LMAN2: variants seen among roughly 807,000 people sequenced by gnomAD.
LMAN2 encodes lectin, mannose binding 2, also known as vesicular integral-membrane protein VIP36.
A neutral mutation model predicts 39.3 loss-of-function variants in LMAN2; 22 were observed. The ratio of observed to expected loss-of-function variants is 0.56; its 90% CI spans 0.40 to 0.80. LMAN2 has a LOEUF of 0.80. LMAN2 is among the 30% of genes least tolerant of loss of function. The pLI, the probability that LMAN2 is intolerant of heterozygous loss-of-function variation, is 0.00. For missense variants in LMAN2, 494 were observed against 505.4 expected (o/e 0.98, Z 0.22); for synonymous variants, 207 against 207.8 (o/e 1.00, Z 0.03).
At chr5:177,341,766 G>C (rs1048791483) in intron 2 of LMAN2, among the ~76,000 whole-genome samples, 2 of 152,312 alleles carry the variant, frequency 1.3e-5, no homozygotes, top group Admixed American at 6.5e-5. Context: ...AAAACAATGG[G>C]TTGTGTGATT....
rs535795691 is a variant in LMAN2 at position 177,338,576 on chromosome 5, G to A, written c.345C>T (p.His115=). Residue 115 remains histidine (H), a synonymous_variant, in exon 3 of 8, where the codon CAC becomes CAT. Transcript: ENST00000303127. The stretch of plus-strand genomic sequence containing the variant: ...CTGTGCCGTGGACTTTGAAGTGGAC[G>A]TGCATTTCCCAGTCTTTGAGGAAGC... ...QPCFLKDWEM[H]VHFKVHGTGK... 82 of 1,614,208 alleles carry A rather than the reference G, an allele frequency of 5.1e-5. No homozygotes were observed. The highest frequency in any genetic ancestry group is 6.7e-5 in the Admixed American group (4 of 60,030).
chr5:177,342,565 AG>A (rs756727200), intron 2 of LMAN2, among the ~76,000 whole-genome samples: 14 of 152,316 alleles, frequency 9.2e-5, no homozygotes, highest in Admixed American at 2.0e-4. Flanking sequence ...GCATGCCTGT[AG>A]TCCCAGCTAC....
chr5:177,338,495 G>A lies in LMAN2; in HGVS notation c.426C>T (p.Leu142=), dbSNP rs202183074. ...GIALWYTRDR[L]VPGPVFGSKD... ...GAGCGAACACCAGCCCACCTGGCAC[G>A]AGGCGGTCCCGGGTGTACCACAAGG... The change falls in exon 3 of 8, where the codon CTC becomes CTT. Residue 142 remains leucine (L), a synonymous_variant. Transcript: ENST00000303127. 5.0e-5 allele frequency: 80 copies of A among 1,613,724 alleles called. No homozygotes were observed. Among genetic ancestry groups the A allele is most frequent in the East Asian group, 4.7e-4 (21 of 44,888 alleles).
intron 2 of LMAN2, among the ~76,000 whole-genome samples, chr5:177,342,487 C>A (rs1357594387): frequency 6.6e-6 from 1 of 152,152 alleles, no homozygotes; most frequent in Non-Finnish European, 1.5e-5. Flanking sequence ...AAGTTCAAGA[C>A]TAGCCCAGGC....
chr5:177,351,048 CGA>C, intron 2 of LMAN2, 123 bp downstream of exon 2: 1 of 810,984 alleles, frequency 1.2e-6, no homozygotes, highest in Non-Finnish European at 2.2e-6. Flanking sequence ...TGGGTGTGAC[CGA>C]GATGAGGAAA....
chr5:177,343,217 T>A (rs1325907003), intron 2 of LMAN2, among the ~76,000 whole-genome samples: 1 of 152,176 alleles, frequency 6.6e-6, no homozygotes, highest in Non-Finnish European at 1.5e-5. Context: ...ATCGCGCCAC[T>A]GCACTCCAGC....
At chr5:177,348,347 T>C (rs1489378767) in intron 2 of LMAN2, among the ~76,000 whole-genome samples, 6 of 152,116 alleles carry the variant, frequency 3.9e-5, no homozygotes, top group Non-Finnish European at 8.8e-5. Context: ...TATATTGCAT[T>C]AGGATAATAT....
chr5:177,337,529 G>A lies in LMAN2; in HGVS notation c.514-5C>T, dbSNP rs987855920. On this transcript the variant is annotated splice_polypyrimidine_tract_variant and splice_region_variant and intron_variant, in intron 4 of 7. Transcript: ENST00000303127. The surrounding 1 kb of genome is among the most constrained non-coding windows in gnomAD (Gnocchi z 8.2). ...CGAGATGTACGGGAACACGCGCTGG[G>A]ACCAAGACATCGGTTACTCCACAAG... 3 of 1,613,460 alleles carry A rather than the reference G, an allele frequency of 1.9e-6. No homozygotes were observed. The highest frequency in any genetic ancestry group is 2.2e-5 in the East Asian group (1 of 44,872).
chr5:177,333,548 A>G (rs1761422225), intron 7 of LMAN2, among the ~76,000 whole-genome samples: 1 of 152,234 alleles, frequency 6.6e-6, no homozygotes, highest in Non-Finnish European at 1.5e-5. Context: ...TTCTCCTGAA[A>G]AGCAGAAACA....
chr5:177,336,090 T>C (rs1235069528), intron 6 of LMAN2, among the ~76,000 whole-genome samples: 2 of 151,928 alleles, frequency 1.3e-5, no homozygotes, highest in African/African-American at 4.8e-5. Context: ...GACTCAAAGA[T>C]GGTAAATATT....
At chr5:177,344,135 T>TAAGCA (rs1400931473) in intron 2 of LMAN2, among the ~76,000 whole-genome samples, 1 of 151,404 alleles carries the variant, frequency 6.6e-6, no homozygotes. Flanking sequence ...GGAGGATCAC[T>TAAGCA]GGACTCCAGG....
At chr5:177,334,226 C>T (rs913875650) in intron 7 of LMAN2, 58 bp downstream of exon 7, 1 of 1,555,376 alleles carries the variant, frequency 6.4e-7, no homozygotes, top group Admixed American at 1.9e-5. Context: ...AGGCTGGCTT[C>T]ACCCCATTCT....
At position 177,337,086 on chromosome 5, in the gene LMAN2, CCCT is replaced by C. The variant is rs775409852; in HGVS notation, c.790+47_790+49del. 29 of 1,391,708 alleles carry C rather than the reference CCCT, an allele frequency of 2.1e-5. No individual in the cohort carries two copies. Among genetic ancestry groups the C allele is most frequent in the Non-Finnish European group, 2.9e-5 (29 of 986,860 alleles). The allele number at this position is 1,391,708 out of a possible 1,614,324, so 86.2% of individuals were successfully genotyped here. A position where few individuals can be genotyped will look rare whatever the true frequency, so the allele number is the denominator to read the frequency against. ...ATCAACTGCATGGAAAGCTCCCAGT[CCCT>C]CAGGGTGAGCTGGGCTGGGAACCAA... On this transcript the variant is annotated intron_variant, in intron 6 of 7. Coordinates refer to ENST00000303127, the MANE Select transcript of LMAN2 (RefSeq NM_006816.3). The surrounding 1 kb of genome is among the most constrained non-coding windows in gnomAD (Gnocchi z 8.2).
chr5:177,338,610 A>C lies in LMAN2; in HGVS notation c.316-5T>G. ...CCAGTCTTTGAGGAAGCACGGCTGG[A>C]GGGAGAGCAGAATGGGCTGCTCAGA... On this transcript the variant is annotated splice_polypyrimidine_tract_variant and splice_region_variant and intron_variant, in intron 2 of 7. Coordinates refer to ENST00000303127, the MANE Select transcript of LMAN2 (RefSeq NM_006816.3). 1 of 1,613,658 alleles carries C rather than the reference A, an allele frequency of 6.2e-7. No homozygotes were observed. Among genetic ancestry groups the C allele is most frequent in the Non-Finnish European group, 8.5e-7 (1 of 1,179,574 alleles).
rs368738457 is a variant in LMAN2 at position 177,337,161 on chromosome 5, G to A, written c.765C>T (p.Ala255=). The A allele has an allele frequency of 1.9e-6, 3 of 1,613,696 alleles. No individual in the cohort carries two copies. In the African/African-American group the frequency reaches 4.0e-5, roughly 21 times the overall value. Residue 255 remains alanine (A), a synonymous_variant, in exon 6 of 8, where the codon GCC becomes GCT. Transcript: ENST00000303127. The surrounding 1 kb of genome is among the most constrained non-coding windows in gnomAD (Gnocchi z 8.2). ...VRLPTGYYFG[A]SAGTGDLSDN... is the part of the protein sequence containing the mutation. Reference sequence around the variant, plus strand: ...CAGACAGGTCGCCGGTGCCGGCGGAGGCCCCGAAGTAGTAGCCGGTGGGCA... The same window carrying A: ...CAGACAGGTCGCCGGTGCCGGCGGAAGCCCCGAAGTAGTAGCCGGTGGGCA...
chr5:177,350,588 GT>G (rs1761707307), intron 2 of LMAN2, among the ~76,000 whole-genome samples: 1 of 152,206 alleles, frequency 6.6e-6, no homozygotes, highest in African/African-American at 2.4e-5. Context: ...CACTGTCCAG[GT>G]GAAAAGAGTC....
In LMAN2 at chr5:177,343,232, C is replaced by T. The variant is rs1761583798; in HGVS notation, c.316-4627G>A. 2.6e-5 allele frequency among the ~76,000 whole-genome samples: 4 copies of T among 152,098 alleles called. No homozygotes were observed. The South Asian group carries it at 6.2e-4, about 24-fold the overall frequency. ...ATCGCGCCACTGCACTCCAGCCTGG[C>T]GACAGGGCGAGACTTCATCTCAATA... On this transcript the variant is annotated intron_variant, in intron 2 of 7. Coordinates refer to ENST00000303127, the MANE Select transcript of LMAN2 (RefSeq NM_006816.3).
intron 7 of LMAN2, 133 bp downstream of exon 7, chr5:177,334,151 G>T (rs1321795657): frequency 6.3e-6 from 9 of 1,434,968 alleles, no homozygotes; most frequent in African/African-American, 1.4e-5. Flanking sequence ...CGCTTGCCAG[G>T]ACCGGGCTGA....
Position 177,332,093 on chromosome 5 carries a change from A to G in LMAN2, c.1064T>C (p.Phe355Ser), listed in dbSNP as rs772086274. 6.2e-7 allele frequency: 1 copy of G among 1,611,354 alleles called. No homozygotes were observed. The highest frequency in any genetic ancestry group is 2.2e-5 in the East Asian group (1 of 44,830). ...CCCCGCCGGAGGCGCCACTCAGTAG[A>G]AGCGCTTGTTCCGCTCCTGCCGCTT... ...FQKRQERNKR[F>S]Y The change falls in exon 8 of 8, where the codon TTC becomes TCC. Residue 355 changes from phenylalanine to serine, a missense_variant. Physicochemically the swap from Phe to Ser is radical, Grantham distance 155. Coordinates refer to ENST00000303127, the MANE Select transcript of LMAN2 (RefSeq NM_006816.3). The surrounding 1 kb of genome is among the most constrained non-coding windows in gnomAD (Gnocchi z 6.3).
Sources: allele counts gnomAD v4.1 joint callset (sites outside exome capture counted in the v4.1 genomes callset), GRCh38; gene constraint gnomAD v4.1.1; non-coding constraint Gnocchi (gnomAD v3.1); transcripts MANE v1.5; gene names NCBI Gene and HGNC (gene_info 2026-07-23, HGNC 2026-07-21).